C3: variants seen among roughly 807,000 people sequenced by gnomAD.
C3 encodes C3 and PZP-like alpha-2-macroglobulin domain-containing protein 1.
C3 carries 97 observed loss-of-function variants against 207.9 expected under a neutral mutation model. The ratio of observed to expected loss-of-function variants is 0.47; its 90% CI spans 0.40 to 0.55. The LOEUF is 0.55. Ranked by LOEUF, C3 falls within the 20% of genes least tolerant of loss-of-function variation. C3 has a pLI of 0.00. For missense variants in C3, 1,684 were observed against 2,171.7 expected, an observed-to-expected ratio of 0.78 and a Z score of 4.46; for synonymous variants, 848 against 857.6, an observed-to-expected ratio of 0.99 and a Z score of 0.20.
At chr19:6,684,206 G>A (rs1917938501) in intron 33 of C3, 182 bp downstream of exon 33, 2 of 705,986 alleles carry the variant, frequency 2.8e-6, no homozygotes, top group African/African-American at 3.5e-5. Context: ...TCATTGCTGT[G>A]GTCTCACATT....
At chr19:6,683,870 G>A (rs375030273) in intron 33 of C3, among the ~76,000 whole-genome samples, 2 of 152,370 alleles carry the variant, frequency 1.3e-5, no homozygotes, top group South Asian at 2.1e-4. Flanking sequence ...CAAGGCAGAG[G>A]AATGCTCAAG....
At position 6,694,425 on chromosome 19, in the gene C3, G is replaced by A. The variant is rs547984674; in HGVS notation, c.3154+6C>T. 12 of 1,613,316 alleles carry A rather than the reference G, an allele frequency of 7.4e-6. No homozygotes were observed. The highest frequency in any genetic ancestry group is 1.7e-5 in the Admixed American group (1 of 60,020). ...CTGGGGTCTCCAAGAGGGGCAGGGAGCCCACCCTTCTTGATGAGCTCCAAG... is the reference window on the plus strand; with the variant it reads ...CTGGGGTCTCCAAGAGGGGCAGGGAACCCACCCTTCTTGATGAGCTCCAAG... On this transcript the variant is annotated splice_donor_region_variant and intron_variant, in intron 24 of 40. Transcript: ENST00000245907.
chr19:6,718,144 C>T lies in C3; in HGVS notation c.454G>A (p.Val152Ile), dbSNP rs766880159. The change falls in exon 4 of 41, where the codon GTC becomes ATC. Residue 152 changes from valine (V) to isoleucine (I), a missense_variant. By Grantham distance (29) the Val-to-Ile change is conservative (BLOSUM62 3). This residue lies in a region of C3 where 1,280 missense variants were observed against 1,739.1 expected (regional missense o/e 0.74). Transcript: ENST00000245907. ...CCCACGGGTAGCAGCTTGTGGTTGACGGTGAAGATCCGATAGAGAACTGGG... is the reference window on the plus strand; with the variant it reads ...CCCACGGGTAGCAGCTTGTGGTTGATGGTGAAGATCCGATAGAGAACTGGG... ...GSTVLYRIFT[V>I]NHKLLPVGRT... is the part of the protein sequence containing the mutation. 5 of 1,614,040 alleles carry T rather than the reference C, an allele frequency of 3.1e-6. No homozygotes were observed. The highest frequency in any genetic ancestry group is 1.1e-5 in the South Asian group (1 of 91,090).
At chr19:6,711,732 G>A (rs755236118) in intron 11 of C3, among the ~76,000 whole-genome samples, 35 of 152,164 alleles carry the variant, frequency 2.3e-4, no homozygotes, top group Non-Finnish European at 3.4e-4. Context: ...TGCAACCTCC[G>A]CAGCTGTCAT....
At chr19:6,716,473 C>A (rs897303000) in intron 4 of C3, 1 of 152,096 alleles carries the variant, frequency 6.6e-6, no homozygotes, top group African/African-American at 2.4e-5. Context: ...TGGGCTCAAG[C>A]GATCCTCCCG....
chr19:6,693,561 G>C (rs1160862071), intron 24 of C3, 74 bp from the exon 25 acceptor site: 1 of 1,354,524 alleles, frequency 7.4e-7, no homozygotes, highest in African/African-American at 1.4e-5. Context: ...GGGCAGGGGC[G>C]GGGTGCAGAG....
chr19:6,705,014 C>G (rs1454798460), intron 17 of C3, among the ~76,000 whole-genome samples: 3 of 152,136 alleles, frequency 2.0e-5, no homozygotes, highest in African/African-American at 7.2e-5. Flanking sequence ...GCTGGGATCA[C>G]AGGTGTGAGC....
At position 6,711,193 on chromosome 19, in the gene C3, G is replaced by A. The variant is rs200967589; in HGVS notation, c.1273C>T (p.Arg425Cys). Reference sequence around the variant, plus strand: ...TCCGAGAGCTCCTGCTTCTTCGTGCGCACCTGGGTGGGGAAAGAGGGATGC... The same window carrying A: ...TCCGAGAGCTCCTGCTTCTTCGTGCACACCTGGGTGGGGAAAGAGGGATGC... ...PSQKPLSITV[R>C]TKKQELSEAE... Residue 425 changes from arginine to cysteine, a missense_variant, in exon 12 of 41, where the codon CGC (arginine) becomes TGC (cysteine). Coordinates refer to ENST00000245907, the MANE Select transcript of C3 (RefSeq NM_000064.4). The A allele has an allele frequency of 8.9e-5, 144 of 1,611,836 alleles. No homozygotes were observed. The East Asian group carries it at 2.0e-3, about 23-fold the overall frequency.
Position 6,709,743 on chromosome 19 carries a change from C to T in C3, c.1786G>A (p.Val596Met). The change falls in exon 14 of 41, where the codon GTG becomes ATG. Residue 596 changes from valine (V) to methionine (M), a missense_variant. Physicochemically the swap from Val to Met is conservative, Grantham distance 21. Around this residue, in one of 3 missense-constraint regions of C3, gnomAD observed 1,280 missense variants for 1,739.1 expected, o/e 0.74. Transcript: ENST00000245907. ...ACGAACACGCCCTTGTCCACGGCCA[C>T]CAGTACCACCCGGGCCCCGTGGTCA... is the stretch of plus-strand genomic sequence containing the variant. ...EGDHGARVVL[V>M]AVDKGVFVLN... is the part of the protein sequence containing the mutation. 1 of 1,614,046 alleles carries T rather than the reference C, an allele frequency of 6.2e-7. No homozygotes were observed. The highest frequency in any genetic ancestry group is 8.5e-7 in the Non-Finnish European group (1 of 1,180,042).
chr19:6,696,008 G>A (rs941150463), intron 23 of C3, among the ~76,000 whole-genome samples: 1 of 151,612 alleles, frequency 6.6e-6, no homozygotes, highest in Non-Finnish European at 1.5e-5. Flanking sequence ...AGGAGATCGA[G>A]ACCATCCTGG....
At chr19:6,715,619 G>GTTTTTTTT (rs375022094) in intron 4 of C3, among the ~76,000 whole-genome samples, 2 of 71,308 alleles carry the variant, frequency 2.8e-5, no homozygotes, top group Non-Finnish European at 6.0e-5. Context: ...TTTTTTTTTT[G>GTTTTTTTT]TTTTTTTTGT....
intron 27 of C3, among the ~76,000 whole-genome samples, chr19:6,689,753 AG>A (rs1380674489): frequency 1.3e-5 from 2 of 151,986 alleles, no homozygotes; most frequent in Non-Finnish European, 2.9e-5. Flanking sequence ...AGGCCACGCC[AG>A]GCAGATCACC....
At chr19:6,710,941 G>T (rs778918213) in intron 12 of C3, 46 bp downstream of exon 12, 2 of 1,606,208 alleles carry the variant, frequency 1.2e-6, no homozygotes, top group African/African-American at 2.7e-5. Flanking sequence ...GGGTGCGGAA[G>T]AAACAAGGAG....
At chr19:6,680,293 G>T in intron 35 of C3, 30 bp from the exon 36 acceptor site, 1 of 1,188,798 alleles carries the variant, frequency 8.4e-7, no homozygotes, top group South Asian at 1.2e-5. Flanking sequence ...TTGGTCAGTG[G>T]GGTGATGTGG....
At position 6,697,654 on chromosome 19, in the gene C3, T is replaced by G. The variant is rs761681872; in HGVS notation, c.2581A>C (p.Lys861Gln). ...LYNYRQNQEL[K>Q]VRVELLHNPA... ...GCCTCTGCCACCCCGGGACCCACCTTGAGCTCTTGGTTCTGCCGGTAATTG... is the reference window on the plus strand; with the variant it reads ...GCCTCTGCCACCCCGGGACCCACCTGGAGCTCTTGGTTCTGCCGGTAATTG... The change falls in exon 20 of 41, where the codon AAG becomes CAG. Residue 861 changes from lysine to glutamine, a missense_variant and splice_region_variant. Physicochemically the swap from Lys to Gln is moderately conservative, Grantham distance 53. Around this residue, in one of 3 missense-constraint regions of C3, gnomAD observed 1,280 missense variants for 1,739.1 expected, o/e 0.74. Coordinates refer to ENST00000245907, the MANE Select transcript of C3 (RefSeq NM_000064.4). 11 of 1,614,030 alleles carry G rather than the reference T, an allele frequency of 6.8e-6. No individual in the cohort carries two copies. The highest frequency in any genetic ancestry group is 8.5e-6 in the Non-Finnish European group (10 of 1,180,020).
At position 6,697,464 on chromosome 19, in the gene C3, G is replaced by T; in HGVS notation, c.2676C>A (p.Ser892=). 6.2e-7 allele frequency: 1 copy of T among 1,613,942 alleles called. No homozygotes were observed. The highest frequency in any genetic ancestry group is 8.5e-7 in the Non-Finnish European group (1 of 1,179,984). The part of the protein sequence containing the change: ...HQQTVTIPPK[S]SLSVPYVIVP... ...CGATGACATATGGAACGGACAACGAGGACTTGGGGGGGATGGTTACGGTCT... is the reference window on the plus strand; with the variant it reads ...CGATGACATATGGAACGGACAACGATGACTTGGGGGGGATGGTTACGGTCT... Residue 892 remains serine, a synonymous_variant, in exon 21 of 41, where the codon TCC becomes TCA. Transcript: ENST00000245907.
rs1257690992 is a variant in C3 at position 6,700,599 on chromosome 19, G to C, written c.2440+1528C>G. Among the ~76,000 whole-genome samples, 15 of 39,418 alleles carry C rather than the reference G, an allele frequency of 3.8e-4. 6 individuals are homozygous for C. The highest frequency in any genetic ancestry group is 5.5e-4 in the Non-Finnish European group (14 of 25,460). The allele number at this position is 39,418 out of a possible 152,430, so 25.9% of individuals were successfully genotyped here. ...ATTATATATGTAATATATAATATAT[G>C]ATATATTATATATGTAATATATAAT... On this transcript the variant is annotated intron_variant, in intron 19 of 40. Coordinates refer to ENST00000245907, the MANE Select transcript of C3 (RefSeq NM_000064.4).
chr19:6,712,829 G>A (rs1375115575), intron 9 of C3, among the ~76,000 whole-genome samples: 1 of 151,774 alleles, frequency 6.6e-6, no homozygotes, highest in Non-Finnish European at 1.5e-5. Context: ...CTTCATACTG[G>A]GCCTGTGACC....
chr19:6,700,507 GTAATATATAATATATGTAATATGATATA>G (rs1599512825), intron 19 of C3, among the ~76,000 whole-genome samples: 1 of 33,542 alleles, frequency 3.0e-5, no homozygotes, highest in Non-Finnish European at 4.2e-5. Context: ...TATTATATAT[GTAATATATAATATATGTAATATGATATA>G]TTATATATGT....
Sources: allele counts gnomAD v4.1 joint callset (sites outside exome capture counted in the v4.1 genomes callset), GRCh38; gene constraint gnomAD v4.1.1; regional missense constraint gnomAD v4.1.1; transcripts MANE v1.5; gene names NCBI Gene and HGNC (gene_info 2026-07-23, HGNC 2026-07-21).